The following STAM2 variants were observed in gnomAD, a reference collection of about 807,000 sequenced individuals.
The protein encoded by STAM2 is signal transducing adaptor molecule 2, also known as signal transducing adapter molecule 2.
A neutral mutation model predicts 65.6 loss-of-function variants in STAM2; 51 were observed. That is an observed-to-expected ratio of 0.78 (90% CI 0.62 to 0.98). The LOEUF is 0.98. Among genes scored for constraint, STAM2 ranks in the 50% least tolerant of loss-of-function variants. STAM2 has a pLI of 0.00. For missense variants in STAM2, 584 were observed against 617.8 expected (o/e 0.95, Z 0.58); for synonymous variants, 198 against 208.4 (o/e 0.95, Z 0.43).
intron 1 of STAM2, among the ~76,000 whole-genome samples, chr2:152,174,447 GAAGT>G (rs1294226810): frequency 6.6e-6 from 1 of 152,162 alleles, no homozygotes; most frequent in African/African-American, 2.4e-5. Flanking sequence ...AAAGTTTAAT[GAAGT>G]AAGGAACATA....
chr2:152,167,704 G>C (rs1299856480), intron 1 of STAM2, among the ~76,000 whole-genome samples: 2 of 151,104 alleles, frequency 1.3e-5, no homozygotes, highest in Non-Finnish European at 2.9e-5. Flanking sequence ...AGACCAGCCT[G>C]GACAACATGG....
intron 1 of STAM2, among the ~76,000 whole-genome samples, chr2:152,168,382 A>C (rs948881533): frequency 1.3e-5 from 2 of 151,798 alleles, no homozygotes; most frequent in African/African-American, 2.4e-5. Context: ...CTGGTCTCGA[A>C]CTCCTGACCT....
intron 5 of STAM2, 50 bp downstream of exon 5, chr2:152,147,112 T>C: frequency 6.6e-7 from 1 of 1,520,116 alleles, no homozygotes; most frequent in Non-Finnish European, 8.8e-7. Context: ...ATAACATACA[T>C]ACCTTCAAAA....
rs977851744 is a variant in STAM2, at chr2:152,120,679, C to G, written c.1473G>C (p.Gln491His). Residue 491 changes from glutamine to histidine, a missense_variant, in exon 14 of 14, where the codon CAG becomes CAC. Physicochemically the swap from Gln to His is conservative, Grantham distance 24. Transcript: ENST00000263904. ...MGMSVDMSSY[Q>H]NTTSNLPQLA... ...GTTGAGGCAAATTGGAAGTAGTGTT[C>G]TGATAAGATGACATATCCACAGACA... The G allele has an allele frequency of 1.9e-6, 3 of 1,614,116 alleles. No individual in the cohort carries two copies. The highest frequency in any genetic ancestry group is 2.5e-6 in the Non-Finnish European group (3 of 1,180,034).
intron 1 of STAM2, among the ~76,000 whole-genome samples, chr2:152,175,112 T>A (rs1689989319): frequency 6.6e-6 from 1 of 152,176 alleles, no homozygotes; most frequent in African/African-American, 2.4e-5. Context: ...ATTGAATGCA[T>A]GAGTAATATA....
intron 1 of STAM2, among the ~76,000 whole-genome samples, chr2:152,173,299 A>G (rs1462709967): frequency 6.7e-6 from 1 of 149,188 alleles, no homozygotes; most frequent in Non-Finnish European, 1.5e-5. Context: ...TTTCCTGTAG[A>G]CATCTCAAGT....
intron 4 of STAM2, 63 bp from the exon 5 acceptor site, chr2:152,147,371 T>C (rs554063782): frequency 7.2e-7 from 1 of 1,387,836 alleles, no homozygotes; most frequent in Admixed American, 2.6e-5. Context: ...ACTTAAATTA[T>C]TTAACAAGGA....
chr2:152,124,753 T>C (rs958641535), intron 12 of STAM2: 2 of 152,192 alleles, frequency 1.3e-5, no homozygotes, highest in Admixed American at 6.5e-5. Context: ...ATAAGCTATA[T>C]TAAGTACAAT....
chr2:152,160,287 C>T (rs1390878270), intron 1 of STAM2, among the ~76,000 whole-genome samples: 33 of 149,154 alleles, frequency 2.2e-4, no homozygotes, highest in African/African-American at 6.5e-4. Flanking sequence ...AAGTGAGGAG[C>T]GCCTCTTCCC....
At chr2:152,147,593 T>C (rs1488957221) in intron 4 of STAM2, among the ~76,000 whole-genome samples, 1 of 152,192 alleles carries the variant, frequency 6.6e-6, no homozygotes, top group Non-Finnish European at 1.5e-5. Context: ...TTTCGGAGAA[T>C]GGAGCCAGAG....
chr2:152,174,003 T>A (rs1184684132), intron 1 of STAM2, among the ~76,000 whole-genome samples: 3 of 152,206 alleles, frequency 2.0e-5, no homozygotes, highest in Non-Finnish European at 4.4e-5. Context: ...TTTGTTTTTT[T>A]AATCTCAACA....
intron 11 of STAM2, among the ~76,000 whole-genome samples, chr2:152,129,366 G>T (rs1230828939): frequency 6.6e-6 from 1 of 152,048 alleles, no homozygotes; most frequent in Non-Finnish European, 1.5e-5. Context: ...ACCCAAGTTG[G>T]TCTCAAATTC....
chr2:152,134,838 T>C lies in STAM2; in HGVS notation c.799+671A>G, dbSNP rs903749770. Among the ~76,000 whole-genome samples the C allele has an allele frequency of 1.2e-4, 19 of 152,188 alleles. 1 individual carries two copies. The highest frequency in any genetic ancestry group is 8.8e-5 in the Non-Finnish European group (6 of 68,030). Reference sequence around the variant, plus strand: ...TTCTGATTACCATCATTAGTACTATTACGAGCTGTTCCTTTACACTCAGAT... The same window carrying C: ...TTCTGATTACCATCATTAGTACTATCACGAGCTGTTCCTTTACACTCAGAT... On this transcript the variant is annotated intron_variant, in intron 8 of 13. Transcript: ENST00000263904.
At chr2:152,163,559 G>C (rs529892488) in intron 1 of STAM2, among the ~76,000 whole-genome samples, 1 of 152,286 alleles carries the variant, frequency 6.6e-6, no homozygotes, top group Admixed American at 6.5e-5. Context: ...CAGAATAACA[G>C]TGATTTTAGG....
intron 1 of STAM2, among the ~76,000 whole-genome samples, chr2:152,152,651 G>T (rs185528649): frequency 6.7e-4 from 102 of 152,236 alleles, no homozygotes; most frequent in African/African-American, 2.4e-3. Context: ...CGCCTTCATT[G>T]TCCTTTGGTG....
intron 13 of STAM2, among the ~76,000 whole-genome samples, 166 bp from the exon 14 acceptor site, chr2:152,120,968 A>G (rs924370865): frequency 6.6e-6 from 1 of 152,090 alleles, no homozygotes; most frequent in African/African-American, 2.4e-5. Context: ...CTGTTAATCA[A>G]ATTTTCTTCT....
In STAM2 at chr2:152,148,318, G is replaced by A. The variant is rs766491134; in HGVS notation, c.126-18C>T. Reference sequence around the variant, plus strand: ...CTTTCGCTCTAAAAAAAAAAAGAGAGAGAGAGACAGTTAAGTATTTACTGA... The same window carrying A: ...CTTTCGCTCTAAAAAAAAAAAGAGAAAGAGAGACAGTTAAGTATTTACTGA... On this transcript the variant is annotated intron_variant, in intron 2 of 13. Coordinates refer to ENST00000263904, the MANE Select transcript of STAM2 (RefSeq NM_005843.6). 7 of 1,531,752 alleles carry A rather than the reference G, an allele frequency of 4.6e-6. No individual in the cohort carries two copies. The highest frequency in any genetic ancestry group is 6.3e-6 in the Non-Finnish European group (7 of 1,118,082). The allele number at this position is 1,531,752 out of a possible 1,614,324, so 94.9% of individuals were successfully genotyped here. A position where few individuals can be genotyped will look rare whatever the true frequency, so the allele number is the denominator to read the frequency against.
At chr2:152,162,021 C>T (rs1689687720) in intron 1 of STAM2, among the ~76,000 whole-genome samples, 1 of 152,006 alleles carries the variant, frequency 6.6e-6, no homozygotes, top group Non-Finnish European at 1.5e-5. Flanking sequence ...GGGGTTTCAC[C>T]ATGTTGGCCA....
chr2:152,131,724 A>G lies in STAM2; in HGVS notation c.1025+390T>C, dbSNP rs546428277. 9.7e-5 allele frequency: 19 copies of G among 195,658 alleles called. No individual in the cohort carries two copies. The South Asian group carries it at 2.0e-3, about 21-fold the overall frequency. The allele number at this position is 195,658 out of a possible 1,614,324, so 12.1% of individuals were successfully genotyped here. ...GTCCAGCTTTGAGGAAATCTGAAAT[A>G]GAGTGCTATACAATGTTGGCCAAAA... On this transcript the variant is annotated intron_variant, in intron 11 of 13. Transcript: ENST00000263904.
Sources: allele counts gnomAD v4.1 joint callset (sites outside exome capture counted in the v4.1 genomes callset), GRCh38; gene constraint gnomAD v4.1.1; transcripts MANE v1.5; gene names NCBI Gene and HGNC (gene_info 2026-07-23, HGNC 2026-07-21).